Variants in ARMH1 observed in about 807,000 individuals in gnomAD.
ARMH1 encodes the protein armadillo-like helical domain containing protein 1.
Under a neutral mutation model 50.2 loss-of-function variants are expected in ARMH1, and 34 were observed. That is an observed-to-expected ratio of 0.68 (90% CI 0.51 to 0.90). The LOEUF is 0.90. ARMH1 is among the 40% of genes least tolerant of loss of function. The pLI is 0.00. For synonymous variants in ARMH1, 221 were observed against 224.2 expected (o/e 0.99, Z 0.13); for missense variants, 538 against 553.9 (o/e 0.97, Z 0.29).
chr1:44,690,110 C>G (rs1025384455), intron 2 of ARMH1, among the ~76,000 whole-genome samples: 2 of 152,068 alleles, frequency 1.3e-5, no homozygotes, highest in Non-Finnish European at 2.9e-5. Context: ...CCCAACTACT[C>G]AAGAGGCTGA....
chr1:44,721,262 G>GGTA (rs1647104182), intron 6 of ARMH1, among the ~76,000 whole-genome samples: 1 of 152,020 alleles, frequency 6.6e-6, no homozygotes, highest in South Asian at 2.1e-4. Flanking sequence ...TGTGGACAAA[G>GGTA]GTAGTCCAGA....
chr1:44,697,136 A>G lies in ARMH1; in HGVS notation c.241A>G (p.Arg81Gly), dbSNP rs1409295156. 1 of 1,552,142 alleles carries G rather than the reference A, an allele frequency of 6.4e-7. No individual in the cohort carries two copies. ...TGACTCATGTTTAGAAAAGCTTCTC[A>G]GGTCCATTGGCATCTTCTTATCAGC... is the stretch of plus-strand genomic sequence containing the variant. ...MTDSCLEKLLRSIGIFLSAVS... is the reference protein window; with the variant it reads ...MTDSCLEKLLGSIGIFLSAVS... Residue 81 changes from arginine (R) to glycine (G), a missense_variant, in exon 3 of 12, where the codon AGG becomes GGG. Coordinates refer to ENST00000535358, the MANE Select transcript of ARMH1 (RefSeq NM_001145636.2).
chr1:44,698,055 C>G lies in ARMH1; in HGVS notation c.276-8C>G. 1.9e-6 allele frequency: 3 copies of G among 1,541,536 alleles called. No homozygotes were observed. The highest frequency in any genetic ancestry group is 1.2e-5 in the South Asian group (1 of 83,026). On this transcript the variant is annotated splice_polypyrimidine_tract_variant and splice_region_variant and intron_variant, in intron 3 of 11. Transcript: ENST00000535358. ...GTTTTATTTCTACTTTTCTATCCCT[C>G]TGGACAGTAATCGGTACCTTATAGA...
At chr1:44,699,283 CAAAAA>C (rs75158327) in intron 4 of ARMH1, among the ~76,000 whole-genome samples, 1 of 42,574 alleles carries the variant, frequency 2.3e-5, no homozygotes, top group Non-Finnish European at 5.3e-5. Context: ...GACTCCGTCT[CAAAAA>C]AAAAAAAAAA....
At chr1:44,715,848 C>G (rs1646827304) in intron 6 of ARMH1, among the ~76,000 whole-genome samples, 1 of 152,256 alleles carries the variant, frequency 6.6e-6, no homozygotes, top group Non-Finnish European at 1.5e-5. Context: ...CAGGCGTGAG[C>G]CACTGCACCC....
intron 1 of ARMH1, among the ~76,000 whole-genome samples, chr1:44,676,477 A>C (rs1645144900): frequency 1.3e-5 from 2 of 152,188 alleles, no homozygotes; most frequent in South Asian, 4.1e-4. Flanking sequence ...AGAAACACCC[A>C]AGTTTGAGGG....
Position 44,689,855 on chromosome 1 carries a change from A to C in ARMH1, c.158A>C (p.Gln53Pro), listed in dbSNP as rs1452942168. The stretch of plus-strand genomic sequence containing the variant: ...CCTGAACTGGAGCAGGAGTTTTCCC[A>C]GGGAGCCAGTTTGTTCCTGGTACGC... ...TAPELEQEFS[Q>P]GASLFLVRLT... is the part of the protein sequence containing the mutation. The change falls in exon 2 of 12, where the codon CAG becomes CCG. Residue 53 changes from glutamine to proline, a missense_variant. Gln to Pro is a moderately conservative substitution (Grantham distance 76, BLOSUM62 -1). Transcript: ENST00000535358. The C allele has an allele frequency of 2.2e-5, 34 of 1,551,390 alleles. No homozygotes were observed. The highest frequency in any genetic ancestry group is 2.9e-5 in the Non-Finnish European group (33 of 1,146,968).
Position 44,701,037 on chromosome 1 carries a change from T to C in ARMH1, c.557T>C (p.Val186Ala). The change falls in exon 5 of 12, where the codon GTG becomes GCG. Residue 186 changes from valine to alanine, a missense_variant. Physicochemically the swap from Val to Ala is moderately conservative, Grantham distance 64. Coordinates refer to ENST00000535358, the MANE Select transcript of ARMH1 (RefSeq NM_001145636.2). ...VHGNPKYQNQ[V>A]YKGLIALLPC... ...GGCAATCCCAAGTACCAAAATCAAG[T>C]GTATAAAGGTCTAATAGCTTTGCTG... 2 of 1,551,704 alleles carry C rather than the reference T, an allele frequency of 1.3e-6. No individual in the cohort carries two copies. The highest frequency in any genetic ancestry group is 2.4e-5 in the East Asian group (1 of 40,932).
At chr1:44,701,655 G>A (rs1434230902) in intron 5 of ARMH1, among the ~76,000 whole-genome samples, 1 of 152,174 alleles carries the variant, frequency 6.6e-6, no homozygotes, top group Non-Finnish European at 1.5e-5. Flanking sequence ...CAGACCGGGT[G>A]CAGTGGCTCA....
At chr1:44,720,197 CAAAAAAAAA>C (rs35873369) in intron 6 of ARMH1, among the ~76,000 whole-genome samples, 3 of 69,208 alleles carry the variant, frequency 4.3e-5, no homozygotes, top group African/African-American at 1.5e-4. Flanking sequence ...AACTCTGTCT[CAAAAAAAAA>C]AAAAAAAAAA....
chr1:44,712,925 A>C (rs1646681930), intron 6 of ARMH1, among the ~76,000 whole-genome samples: 1 of 152,024 alleles, frequency 6.6e-6, no homozygotes, highest in Non-Finnish European at 1.5e-5. Flanking sequence ...CAGCCTCCTA[A>C]AGTGCTAGGA....
chr1:44,699,500 A>T (rs1047047390), intron 4 of ARMH1, among the ~76,000 whole-genome samples: 5 of 151,734 alleles, frequency 3.3e-5, no homozygotes, highest in Non-Finnish European at 7.4e-5. Context: ...CCCAGGCTGG[A>T]GTGTGGTGGC....
intron 1 of ARMH1, among the ~76,000 whole-genome samples, chr1:44,687,692 T>C (rs996469891): frequency 6.6e-6 from 1 of 152,184 alleles, no homozygotes; most frequent in Non-Finnish European, 1.5e-5. Context: ...ATCGTATTCA[T>C]CTTTGCATCT....
chr1:44,697,843 A>G (rs1645879508), intron 3 of ARMH1, among the ~76,000 whole-genome samples: 1 of 152,220 alleles, frequency 6.6e-6, no homozygotes, highest in Admixed American at 6.5e-5. Context: ...AAGAAGAAGA[A>G]GAGATGCTGG....
intron 1 of ARMH1, among the ~76,000 whole-genome samples, chr1:44,680,709 T>G (rs1645279761): frequency 1.3e-5 from 2 of 152,136 alleles, no homozygotes; most frequent in African/African-American, 2.4e-5. Context: ...TAGAACCTAG[T>G]GCCCACGGAG....
intron 1 of ARMH1, chr1:44,684,381 G>GA (rs1207954574): frequency 2.0e-5 from 3 of 152,048 alleles, no homozygotes; most frequent in Admixed American, 6.6e-5. Flanking sequence ...CCCTACTTCT[G>GA]AAAAACCTTA....
intron 6 of ARMH1, among the ~76,000 whole-genome samples, chr1:44,706,584 A>G (rs975886248): frequency 1.3e-5 from 2 of 152,166 alleles, no homozygotes; most frequent in Non-Finnish European, 2.9e-5. Context: ...AACCTAGGTT[A>G]TTTTTGAGCA....
In ARMH1 at chr1:44,713,021, CT is replaced by C. The variant is rs891015644; in HGVS notation, c.724+8861del. On this transcript the variant is annotated intron_variant, in intron 6 of 11. Transcript: ENST00000535358. ...CAGAACGTTATGCCTTTGCTTTGCA[CT>C]TTTTTTTTTTTTAAGACGGAGTCTC... Among the ~76,000 whole-genome samples, 251 of 136,878 alleles carry C rather than the reference CT, an allele frequency of 1.8e-3. 1 individual carries two copies. Among genetic ancestry groups the C allele is most frequent in the Admixed American group, 2.4e-3 (32 of 13,606 alleles). The allele number at this position is 136,878 out of a possible 152,430, so 89.8% of individuals were successfully genotyped here.
rs1238616614 is a variant in ARMH1, at chr1:44,724,224, T to C, written c.827T>C (p.Leu276Pro). 4 of 1,551,702 alleles carry C rather than the reference T, an allele frequency of 2.6e-6. No homozygotes were observed. Among genetic ancestry groups the C allele is most frequent in the Non-Finnish European group, 2.6e-6 (3 of 1,146,962 alleles). The change falls in exon 7 of 12, where the codon CTG (leucine) becomes CCG (proline). Residue 276 changes from leucine to proline, a missense_variant. Physicochemically the swap from Leu to Pro is moderately conservative, Grantham distance 98. Coordinates refer to ENST00000535358, the MANE Select transcript of ARMH1 (RefSeq NM_001145636.2). The surrounding 1 kb of genome is among the most constrained non-coding windows in gnomAD (Gnocchi z 6.4). ...LIPSVKEISK[L>P]QAKILSDPSV... ...CCGTCGGTCAAGGAGATCTCCAAAC[T>C]GCAGGCCAAGATCCTCAGTGGTAAG...
Sources: allele counts gnomAD v4.1 joint callset (sites outside exome capture counted in the v4.1 genomes callset), GRCh38; gene constraint gnomAD v4.1.1; non-coding constraint Gnocchi (gnomAD v3.1); transcripts MANE v1.5; gene names NCBI Gene and HGNC (gene_info 2026-07-23, HGNC 2026-07-21).